Variants in CRY1 observed in about 807,000 individuals in gnomAD.
CRY1 encodes cryptochrome-1.
A neutral mutation model predicts 76.0 loss-of-function variants in CRY1; 45 were observed. That is an observed-to-expected ratio of 0.59 (90% confidence interval 0.47 to 0.76). The LOEUF (loss-of-function observed/expected upper bound fraction) is 0.76. Ranked by LOEUF, CRY1 falls within the 30% of genes least tolerant of loss-of-function variation. The pLI is 0.00. For missense variants in CRY1, 587 were observed against 716.4 expected (o/e 0.82, Z 2.06); for synonymous variants, 248 against 244.0 (o/e 1.02, Z -0.15).
At chr12:107,035,291 T>G (rs926294497) in intron 1 of CRY1, among the ~76,000 whole-genome samples, 5 of 152,224 alleles carry the variant, frequency 3.3e-5, no homozygotes, top group Non-Finnish European at 7.3e-5. Context: ...CTGCAAAAAT[T>G]TAGTCACTTA....
chr12:107,000,229 A>G, intron 5 of CRY1, 147 bp from the exon 6 acceptor site: 2 of 812,388 alleles, frequency 2.5e-6, no homozygotes, highest in Non-Finnish European at 3.7e-6. Flanking sequence ...TTTAATAAAA[A>G]ATAAGACAGG....
At chr12:107,056,321 A>C (rs1952981500) in intron 1 of CRY1, among the ~76,000 whole-genome samples, 1 of 152,248 alleles carries the variant, frequency 6.6e-6, no homozygotes, top group Non-Finnish European at 1.5e-5. Flanking sequence ...ATAAATAAAA[A>C]GTAAAGAATT....
At position 107,031,155 on chromosome 12, in the gene CRY1, C is replaced by T. The variant is rs551447286; in HGVS notation, c.159-8963G>A. Among the ~76,000 whole-genome samples the T allele has an allele frequency of 1.8e-4, 27 of 152,090 alleles. No individual in the cohort carries two copies. In the East Asian group the frequency reaches 2.7e-3, roughly 15 times the overall value. ...CAGAAAAGTTCTTAAAATAATTCAC[C>T]GGGTTGTCCAAAAAGCAAGAAGGCA... On this transcript the variant is annotated intron_variant, in intron 1 of 12. Transcript: ENST00000008527.
Position 107,072,635 on chromosome 12 carries a change from G to T in CRY1, c.158+20169C>A, listed in dbSNP as rs896745948. ...AAATTAACAAAATTAGCTCCCAAAA[G>T]AAAAATATGAATTAATCACACTTGT... On this transcript the variant is annotated intron_variant, in intron 1 of 12. Transcript: ENST00000008527. Among the ~76,000 whole-genome samples, 6 of 152,224 alleles carry T rather than the reference G, an allele frequency of 3.9e-5. 1 individual carries two copies. Among genetic ancestry groups the T allele is most frequent in the Admixed American group, 6.5e-5 (1 of 15,290 alleles).
In CRY1 at chr12:106,997,283, T is replaced by C. The variant is rs1189261978; in HGVS notation, c.1585+11A>G. ...CATGTTACTAAGTGCAGAAATTTCC[T>C]TTTCACTTACTTCCACTGCTGCTAC... On this transcript the variant is annotated intron_variant, in intron 10 of 12. Transcript: ENST00000008527. 2.5e-6 allele frequency: 4 copies of C among 1,611,578 alleles called. No individual in the cohort carries two copies. Among genetic ancestry groups the C allele is most frequent in the East Asian group, 2.2e-5 (1 of 44,840 alleles).
At chr12:107,078,833 C>A (rs1447774907) in intron 1 of CRY1, among the ~76,000 whole-genome samples, 2 of 152,130 alleles carry the variant, frequency 1.3e-5, no homozygotes, top group Non-Finnish European at 2.9e-5. Flanking sequence ...TTCTCCCTCA[C>A]CCTCCTCCTC....
chr12:107,016,112 C>A (rs1952495763), intron 2 of CRY1, among the ~76,000 whole-genome samples: 7 of 152,092 alleles, frequency 4.6e-5, no homozygotes, highest in Admixed American at 4.6e-4. Flanking sequence ...GACTTCGAGA[C>A]CAGGCTGGCC....
chr12:107,014,364 T>C (rs761640800), intron 2 of CRY1, among the ~76,000 whole-genome samples: 26 of 152,110 alleles, frequency 1.7e-4, no homozygotes, highest in Non-Finnish European at 3.2e-4. Context: ...CTGAGGTGAA[T>C]GCTACTGATC....
intron 1 of CRY1, among the ~76,000 whole-genome samples, chr12:107,040,776 G>A (rs907233850): frequency 2.6e-5 from 4 of 151,982 alleles, no homozygotes; most frequent in Non-Finnish European, 5.9e-5. Flanking sequence ...TAAATCTGAC[G>A]TGATATTCTG....
intron 1 of CRY1, among the ~76,000 whole-genome samples, chr12:107,073,245 T>C (rs12321389): frequency 2.7e-5 from 4 of 149,288 alleles, no homozygotes; most frequent in East Asian, 1.9e-4. Context: ...CTCTCTCTCT[T>C]TTTTTTTTGA....
intron 1 of CRY1, among the ~76,000 whole-genome samples, chr12:107,034,266 G>A (rs1952709197): frequency 6.6e-6 from 1 of 152,000 alleles, no homozygotes; most frequent in Non-Finnish European, 1.5e-5. Flanking sequence ...GTTTACAAAT[G>A]CCAAGACAAC....
intron 2 of CRY1, among the ~76,000 whole-genome samples, chr12:107,010,098 A>T (rs1485100898): frequency 1.3e-5 from 2 of 151,324 alleles, no homozygotes; most frequent in Non-Finnish European, 2.9e-5. Context: ...TTTTCTTCTT[A>T]TGAGAGTTCT....
chr12:107,002,149 C>T (rs1952319389), intron 3 of CRY1, among the ~76,000 whole-genome samples: 1 of 152,050 alleles, frequency 6.6e-6, no homozygotes, highest in African/African-American at 2.4e-5. Context: ...TCTAGACATC[C>T]TCTGGGTATC....
chr12:107,087,584 A>G (rs917947745), intron 1 of CRY1, among the ~76,000 whole-genome samples: 29 of 152,206 alleles, frequency 1.9e-4, no homozygotes, highest in Non-Finnish European at 2.9e-4. Flanking sequence ...ATATTTACCC[A>G]ATGTCTGTTC....
chr12:107,040,796 A>T (rs551224585), intron 1 of CRY1, among the ~76,000 whole-genome samples: 76 of 152,328 alleles, frequency 5.0e-4, no homozygotes, highest in African/African-American at 1.8e-3. Context: ...GTAACAAAAA[A>T]GGTCAATTAC....
chr12:107,080,530 G>T (rs1294054071), intron 1 of CRY1, among the ~76,000 whole-genome samples: 1 of 151,950 alleles, frequency 6.6e-6, no homozygotes, highest in Admixed American at 6.6e-5. Flanking sequence ...TTTAAAGGTT[G>T]AACAGAAAAG....
chr12:107,053,837 A>G (rs1952951028), intron 1 of CRY1, among the ~76,000 whole-genome samples: 1 of 152,278 alleles, frequency 6.6e-6, no homozygotes, highest in South Asian at 2.1e-4. Flanking sequence ...ATTAGACAAA[A>G]AGAAACAAGA....
At position 107,048,891 on chromosome 12, in the gene CRY1, T is replaced by A. The variant is rs1952881595; in HGVS notation, c.159-26699A>T. Among the ~76,000 whole-genome samples, 6 of 152,200 alleles carry A rather than the reference T, an allele frequency of 3.9e-5. No homozygotes were observed. In the South Asian group the frequency reaches 1.2e-3, roughly 31 times the overall value. On this transcript the variant is annotated intron_variant, in intron 1 of 12. Transcript: ENST00000008527. ...TTTCCTATGAGTCTAATTGTCTGGT[T>A]TTTTTCCTCCTGGTTTCAGTCATTT...
chr12:107,038,233 A>G (rs1593518473), intron 1 of CRY1, among the ~76,000 whole-genome samples: 1 of 152,234 alleles, frequency 6.6e-6, no homozygotes, highest in East Asian at 1.9e-4. Flanking sequence ...CTAAGTCTGG[A>G]GTTCATGGTA....
Sources: allele counts gnomAD v4.1 joint callset (sites outside exome capture counted in the v4.1 genomes callset), GRCh38; gene constraint gnomAD v4.1.1; transcripts MANE v1.5; gene names NCBI Gene and HGNC (gene_info 2026-07-23, HGNC 2026-07-21).